SNRNP27: variants seen among roughly 807,000 people sequenced by gnomAD.
The protein encoded by SNRNP27 is U4/U6.U5 small nuclear ribonucleoprotein 27 kDa protein.
A neutral mutation model predicts 25.1 loss-of-function variants in SNRNP27; 22 were observed. The observed-to-expected ratio is 0.88, with a 90% confidence interval of 0.63 to 1.25. The LOEUF (loss-of-function observed/expected upper bound fraction) is 1.25, where lower values mean the gene tolerates loss of function less well. Among genes scored for constraint, SNRNP27 ranks in the 50% most tolerant of loss-of-function variants. The pLI, the probability that SNRNP27 is intolerant of heterozygous loss-of-function variation, is 0.00. For missense variants in SNRNP27, 150 were observed against 202.3 expected, an observed-to-expected ratio of 0.74 and a Z score of 1.57; for synonymous variants, 66 against 64.9, an observed-to-expected ratio of 1.02 and a Z score of -0.08.
At chr2:69,903,634 CCA>C (rs1345005145) in intron 5 of SNRNP27, among the ~76,000 whole-genome samples, 1 of 152,088 alleles carries the variant, frequency 6.6e-6, no homozygotes, top group Non-Finnish European at 1.5e-5. Context: ...TTTATTTGTA[CCA>C]CAGTTTTGGA....
rs749042669 is a variant in SNRNP27, at chr2:69,896,403, T to C, written c.156-33T>C. 1.9e-6 allele frequency: 3 copies of C among 1,600,956 alleles called. No homozygotes were observed. In the South Asian group the frequency reaches 3.3e-5, roughly 18 times the overall value. On this transcript the variant is annotated intron_variant, in intron 2 of 5. Coordinates refer to ENST00000244227, the MANE Select transcript of SNRNP27 (RefSeq NM_006857.3). ...GATTGATACAAAGTTGATATGTCTG[T>C]CTGTTTCTAACATCTTTGCTTATAA...
chr2:69,901,341 A>G (rs1160833441), intron 4 of SNRNP27, among the ~76,000 whole-genome samples: 1 of 152,236 alleles, frequency 6.6e-6, no homozygotes, highest in Non-Finnish European at 1.5e-5. Context: ...AGGGAAGGCA[A>G]TTCAGGCATG....
At chr2:69,900,173 A>C (rs1453326420) in intron 4 of SNRNP27, among the ~76,000 whole-genome samples, 2 of 152,166 alleles carry the variant, frequency 1.3e-5, no homozygotes, top group African/African-American at 4.8e-5. Flanking sequence ...AGTTTTTGCC[A>C]TTGAAAATAA....
intron 1 of SNRNP27, among the ~76,000 whole-genome samples, chr2:69,894,785 G>A (rs1676570099): frequency 6.6e-6 from 1 of 152,060 alleles, no homozygotes; most frequent in African/African-American, 2.4e-5. Flanking sequence ...GGGTTCAAGC[G>A]ATTCTCATGC....
chr2:69,902,339 CTGCTGCTGCTCT>C (rs942391243), intron 4 of SNRNP27, among the ~76,000 whole-genome samples: 5 of 151,784 alleles, frequency 3.3e-5, no homozygotes, highest in African/African-American at 1.2e-4. Flanking sequence ...TCCGCTGCTG[CTGCTGCTGCTCT>C]TGCTGCTGCT....
chr2:69,901,308 A>T (rs1230425377), intron 4 of SNRNP27, among the ~76,000 whole-genome samples: 1 of 152,184 alleles, frequency 6.6e-6, no homozygotes, highest in Non-Finnish European at 1.5e-5. Context: ...ATGGGTAATA[A>T]CCAGATAGTT....
intron 3 of SNRNP27, among the ~76,000 whole-genome samples, chr2:69,896,768 G>T (rs959007039): frequency 1.3e-5 from 2 of 150,808 alleles, no homozygotes; most frequent in Admixed American, 6.6e-5. Flanking sequence ...CGCCTCCTGG[G>T]TTTAAGCAAT....
chr2:69,900,958 G>A (rs939944674), intron 4 of SNRNP27, among the ~76,000 whole-genome samples: 6 of 151,976 alleles, frequency 3.9e-5, no homozygotes, highest in African/African-American at 1.2e-4. Flanking sequence ...GGGGGATCAC[G>A]AGGTCAAGAG....
chr2:69,902,965 C>G (rs1320611027), intron 4 of SNRNP27, among the ~76,000 whole-genome samples: 12 of 90,324 alleles, frequency 1.3e-4, no homozygotes, highest in African/African-American at 5.3e-4. Context: ...TTTTTTGAGA[C>G]TGGATCATGC....
At chr2:69,895,024 C>T in intron 1 of SNRNP27, 70 bp from the exon 2 acceptor site, 1 of 1,584,816 alleles carries the variant, frequency 6.3e-7, no homozygotes, top group Non-Finnish European at 8.6e-7. Flanking sequence ...CATTATTTTT[C>T]TACTGGACGG....
In SNRNP27 at chr2:69,904,879, T is replaced by C. The variant is rs1286433838; in HGVS notation, c.*571T>C. 1 of 142,404 alleles carries C rather than the reference T, an allele frequency of 7.0e-6. No individual in the cohort carries two copies. The highest frequency in any genetic ancestry group is 7.4e-5 in the Admixed American group (1 of 13,524). The allele number at this position is 142,404 out of a possible 1,614,324, so 8.8% of individuals were successfully genotyped here. Reference sequence around the variant, plus strand: ...TCTCCGCAAGTATAAAAGCATTACATGCAAAAAAAAGATCTCAGAGAAAAC... The same window carrying C: ...TCTCCGCAAGTATAAAAGCATTACACGCAAAAAAAAGATCTCAGAGAAAAC... On this transcript the variant is annotated 3_prime_UTR_variant, in exon 6 of 6. Coordinates refer to ENST00000244227, the MANE Select transcript of SNRNP27 (RefSeq NM_006857.3).
chr2:69,904,312 T>C lies in SNRNP27; in HGVS notation c.*4T>C, dbSNP rs763971515. Reference sequence around the variant, plus strand: ...ACCTTTGGATTTCATTGCATGAGAATTGAAGTGTTGAAGGATGATTTTTTT... The same window carrying C: ...ACCTTTGGATTTCATTGCATGAGAACTGAAGTGTTGAAGGATGATTTTTTT... On this transcript the variant is annotated 3_prime_UTR_variant, in exon 6 of 6. Transcript: ENST00000244227. 19 of 1,608,382 alleles carry C rather than the reference T, an allele frequency of 1.2e-5. No individual in the cohort carries two copies. The highest frequency in any genetic ancestry group is 1.8e-4 in the Middle Eastern group (1 of 5,714).
chr2:69,900,947 C>G (rs370128452), intron 4 of SNRNP27, among the ~76,000 whole-genome samples: 1 of 151,992 alleles, frequency 6.6e-6, no homozygotes, highest in African/African-American at 2.4e-5. Flanking sequence ...GAGGCCGAGG[C>G]GGGGGATCAC....
At position 69,895,217 on chromosome 2, in the gene SNRNP27, A is replaced by G; in HGVS notation, c.155+3A>G. On this transcript the variant is annotated splice_donor_region_variant and intron_variant, in intron 2 of 5. Transcript: ENST00000244227. ...TCCCCGCACCGAAGACGCTCCCGGT[A>G]AGGGCAGAAAATAAGCCAAGAGTTT... 6.2e-7 allele frequency: 1 copy of G among 1,612,000 alleles called. No homozygotes were observed. The highest frequency in any genetic ancestry group is 1.1e-5 in the South Asian group (1 of 90,752).
At chr2:69,899,854 G>C (rs969626299) in intron 4 of SNRNP27, among the ~76,000 whole-genome samples, 2 of 152,166 alleles carry the variant, frequency 1.3e-5, no homozygotes, top group African/African-American at 4.8e-5. Flanking sequence ...TTAGCCTCTG[G>C]AGTAGCTGAG....
intron 4 of SNRNP27, among the ~76,000 whole-genome samples, chr2:69,901,363 G>A (rs1044292674): frequency 3.9e-5 from 6 of 152,140 alleles, no homozygotes; most frequent in African/African-American, 1.4e-4. Flanking sequence ...GGAACAACAT[G>A]GGGGAAAGTG....
chr2:69,900,174 T>C (rs1489286102), intron 4 of SNRNP27, among the ~76,000 whole-genome samples: 1 of 152,190 alleles, frequency 6.6e-6, no homozygotes, highest in African/African-American at 2.4e-5. Flanking sequence ...GTTTTTGCCA[T>C]TGAAAATAAT....
In SNRNP27 at chr2:69,895,183, C is replaced by A. The variant is rs143382169; in HGVS notation, c.124C>A (p.Arg42Ser). Residue 42 changes from arginine (R) to serine (S), a missense_variant, in exon 2 of 6, where the codon CGC (arginine) becomes AGC (serine). This residue lies in a region of SNRNP27 where 142 missense variants were observed against 168.6 expected (regional missense o/e 0.84). Transcript: ENST00000244227. ...TCGGGAGAGAGATCGGAGAAGGAGC[C>A]GCTCGCGATCCCCGCACCGAAGACG... ...RSRERDRRRS[R>S]SRSPHRRRSR... The A allele has an allele frequency of 1.3e-5, 21 of 1,613,942 alleles. No individual in the cohort carries two copies. Among genetic ancestry groups the A allele is most frequent in the Non-Finnish European group, 1.8e-5 (21 of 1,180,020 alleles).
At position 69,904,448 on chromosome 2, in the gene SNRNP27, A is replaced by G. The variant is rs1676759765; in HGVS notation, c.*140A>G. 1 of 726,840 alleles carries G rather than the reference A, an allele frequency of 1.4e-6. No homozygotes were observed. The highest frequency in any genetic ancestry group is 1.6e-5 in the South Asian group (1 of 64,084). The allele number at this position is 726,840 out of a possible 1,614,324, so 45.0% of individuals were successfully genotyped here. A position where few individuals can be genotyped will look rare whatever the true frequency, so the allele number is the denominator to read the frequency against. On this transcript the variant is annotated 3_prime_UTR_variant, in exon 6 of 6. Transcript: ENST00000244227. ...AAAGTAAGAAAATCTTATTTATGAT[A>G]TATGCAGTTAACTTACCTTGCCTCA... is the stretch of plus-strand genomic sequence containing the variant.
Sources: allele counts gnomAD v4.1 joint callset (sites outside exome capture counted in the v4.1 genomes callset), GRCh38; gene constraint gnomAD v4.1.1; regional missense constraint gnomAD v4.1.1; transcripts MANE v1.5; gene names NCBI Gene and HGNC (gene_info 2026-07-23, HGNC 2026-07-21).